The following ATP2C2 variants were observed in gnomAD, a reference collection of about 807,000 sequenced individuals.
ATP2C2 encodes ATPase secretory pathway Ca2+ transporting 2.
ATP2C2 carries 171 observed loss-of-function variants against 110.8 expected under a neutral mutation model. The observed-to-expected ratio is 1.54, with a 90% CI of 1.36 to 1.75. The LOEUF (loss-of-function observed/expected upper bound fraction) is 1.75. Ranked by LOEUF, ATP2C2 falls within the 40% of genes most tolerant of loss-of-function variation. ATP2C2 has a pLI of 0.00. For missense variants in ATP2C2, 1,963 were observed against 1,235.0 expected, an observed-to-expected ratio of 1.59 and a Z score of -8.84; for synonymous variants, 804 against 508.4, an observed-to-expected ratio of 1.58 and a Z score of -7.82.
In ATP2C2 at chr16:84,408,273, G is replaced by A. The variant is rs1326999036; in HGVS notation, c.328-132G>A. On this transcript the variant is annotated intron_variant, in intron 3 of 26. Transcript: ENST00000262429. ...CATGGGGGTGGTCTCCCCAGCCCTC[G>A]GTCACCATGGTGTTGACCTGGAAGC... 2.8e-5 allele frequency: 23 copies of A among 812,992 alleles called. No individual in the cohort carries two copies. The South Asian group carries it at 2.8e-4, about 10-fold the overall frequency. The allele number at this position is 812,992 out of a possible 1,614,324, so 50.4% of individuals were successfully genotyped here.
chr16:84,406,507 C>T (rs988314800), intron 3 of ATP2C2: 19 of 832,920 alleles, frequency 2.3e-5, no homozygotes, highest in East Asian at 2.5e-4. Context: ...CTCCATTGGT[C>T]GATTCCGGAA....
At chr16:84,398,445 A>T in intron 1 of ATP2C2, 54 bp from the exon 2 acceptor site, 2 of 1,057,524 alleles carry the variant, frequency 1.9e-6, no homozygotes, top group South Asian at 4.4e-5. Context: ...AAATTTAAAA[A>T]TTAATCAGTA....
At chr16:84,399,379 G>C (rs193099176) in intron 2 of ATP2C2, among the ~76,000 whole-genome samples, 205 of 152,288 alleles carry the variant, frequency 1.3e-3, no homozygotes, top group African/African-American at 4.7e-3. Context: ...AAATGAGCTA[G>C]ATTTTCTTTC....
intron 15 of ATP2C2, among the ~76,000 whole-genome samples, chr16:84,443,738 T>G (rs1909480775): frequency 6.6e-6 from 1 of 152,200 alleles, no homozygotes; most frequent in African/African-American, 2.4e-5. Context: ...TCAGCTTACC[T>G]GTCCCTCCCT....
At position 84,459,319 on chromosome 16, in the gene ATP2C2, C is replaced by G. The variant is rs377164121; in HGVS notation, c.2266C>G (p.Pro756Ala). 3.1e-6 allele frequency: 5 copies of G among 1,614,194 alleles called. No individual in the cohort carries two copies. In the African/African-American group the frequency reaches 6.7e-5, roughly 22 times the overall value. The change falls in exon 23 of 27, where the codon CCC becomes GCC. Residue 756 changes from proline to alanine, a missense_variant. Transcript: ENST00000262429. ...LITLSTVFNLPSPLNAMQILW... is the reference protein window; with the variant it reads ...LITLSTVFNLASPLNAMQILW... ...CACTCTGTCCACCGTGTTCAACCTG[C>G]CCAGCCCCCTCAACGCCATGCAGAT...
At chr16:84,449,329 C>T (rs770337892) in intron 17 of ATP2C2, among the ~76,000 whole-genome samples, 47 of 152,234 alleles carry the variant, frequency 3.1e-4, no homozygotes, top group Non-Finnish European at 5.6e-4. Context: ...GAGACCCTTG[C>T]GGCTTTCTGG....
intron 15 of ATP2C2, among the ~76,000 whole-genome samples, chr16:84,445,495 A>C (rs1446880042): frequency 6.6e-6 from 1 of 152,166 alleles, no homozygotes; most frequent in Non-Finnish European, 1.5e-5. Context: ...GGCATGAGCC[A>C]CCATGCCCGG....
chr16:84,405,337 C>G (rs1905669012), intron 3 of ATP2C2, 93 bp downstream of exon 3: 2 of 1,093,540 alleles, frequency 1.8e-6, no homozygotes, highest in Non-Finnish European at 2.7e-6. Context: ...GGAAGGCATC[C>G]TTGGACAGCT....
chr16:84,406,832 C>T (rs114205394), intron 3 of ATP2C2, among the ~76,000 whole-genome samples: 226 of 152,194 alleles, frequency 1.5e-3, no homozygotes, highest in African/African-American at 5.0e-3. Context: ...CACTAGGACC[C>T]GCTCCCCCAC....
At position 84,412,847 on chromosome 16, in the gene ATP2C2, G is replaced by A. The variant is rs1480890456; in HGVS notation, c.515+2082G>A. Among the ~76,000 whole-genome samples, 17 of 152,050 alleles carry A rather than the reference G, an allele frequency of 1.1e-4. No individual in the cohort carries two copies. In the South Asian group the frequency reaches 2.1e-3, roughly 19 times the overall value. On this transcript the variant is annotated intron_variant, in intron 6 of 26. Coordinates refer to ENST00000262429, the MANE Select transcript of ATP2C2 (RefSeq NM_014861.4). ...GCGGTGGCTCACACCTGTAATCCCA[G>A]CACTTTGGGAGGCCGAGGTAGGCAG...
intron 21 of ATP2C2, among the ~76,000 whole-genome samples, chr16:84,455,653 A>C (rs1015006470): frequency 5.9e-5 from 9 of 152,118 alleles, no homozygotes; most frequent in African/African-American, 2.2e-4. Context: ...AGCCTGATAC[A>C]AAAAATCCAA....
At position 84,461,455 on chromosome 16, in the gene ATP2C2, C is replaced by G. The variant is rs1340263992; in HGVS notation, c.2482-259C>G. ...TCACCTCCCAGGGAGACAGTTACTT[C>G]CTGGAGGAAGTGGTGTTTCCTCCAC... is the stretch of plus-strand genomic sequence containing the variant. On this transcript the variant is annotated intron_variant, in intron 24 of 26. Transcript: ENST00000262429. The G allele has an allele frequency of 1.4e-5, 8 of 579,334 alleles. No individual in the cohort carries two copies. The East Asian group carries it at 2.0e-4, about 15-fold the overall frequency. The allele number at this position is 579,334 out of a possible 1,614,324, so 35.9% of individuals were successfully genotyped here. A position where few individuals can be genotyped will look rare whatever the true frequency, so the allele number is the denominator to read the frequency against.
intron 11 of ATP2C2, among the ~76,000 whole-genome samples, chr16:84,433,582 G>A (rs1366044184): frequency 2.6e-5 from 4 of 151,932 alleles, no homozygotes; most frequent in Admixed American, 2.0e-4. Flanking sequence ...AACCCGGGAG[G>A]TGGAGGTTGT....
chr16:84,378,792 T>C (rs1910401370), intron 1 of ATP2C2, among the ~76,000 whole-genome samples: 1 of 152,070 alleles, frequency 6.6e-6, no homozygotes, highest in African/African-American at 2.4e-5. Flanking sequence ...GCAGCAGAGA[T>C]TGAGCAAAGT....
chr16:84,437,136 TG>T (rs1908815109), intron 11 of ATP2C2, among the ~76,000 whole-genome samples: 1 of 152,214 alleles, frequency 6.6e-6, no homozygotes. Context: ...TACAATTTAA[TG>T]GTTTTTAGTG....
At chr16:84,384,277 T>C (rs1021716111) in intron 1 of ATP2C2, among the ~76,000 whole-genome samples, 1 of 152,230 alleles carries the variant, frequency 6.6e-6, no homozygotes, top group Non-Finnish European at 1.5e-5. Flanking sequence ...CCTGTGGATT[T>C]TCCTTGTCTT....
chr16:84,414,192 C>G (rs1347669486), intron 6 of ATP2C2, among the ~76,000 whole-genome samples: 2 of 152,188 alleles, frequency 1.3e-5, no homozygotes, highest in Non-Finnish European at 2.9e-5. Flanking sequence ...AGGTATATCT[C>G]TGGCAGGTGC....
Position 84,460,355 on chromosome 16 carries a change from G to A in ATP2C2, c.2334-299G>A, listed in dbSNP as rs764955105. 1.3e-4 allele frequency: 57 copies of A among 436,888 alleles called. No individual in the cohort carries two copies. In the South Asian group the frequency reaches 1.4e-3, roughly 10 times the overall value. The allele number at this position is 436,888 out of a possible 1,614,324, so 27.1% of individuals were successfully genotyped here. ...TTCTCCAGGCGCAACGTTGGGGGGG[G>A]TCCCCTCGGGGTGATGGAGATCATC... is the stretch of plus-strand genomic sequence containing the variant. On this transcript the variant is annotated intron_variant, in intron 23 of 26. Coordinates refer to ENST00000262429, the MANE Select transcript of ATP2C2 (RefSeq NM_014861.4).
At chr16:84,463,278 G>GCTC (rs1567471167) in intron 26 of ATP2C2, among the ~76,000 whole-genome samples, 2 of 152,072 alleles carry the variant, frequency 1.3e-5, no homozygotes, top group East Asian at 3.9e-4. Context: ...GGTCACTCAG[G>GCTC]ACATTTGCAA....
Sources: allele counts gnomAD v4.1 joint callset (sites outside exome capture counted in the v4.1 genomes callset), GRCh38; gene constraint gnomAD v4.1.1; transcripts MANE v1.5; gene names NCBI Gene and HGNC (gene_info 2026-07-23, HGNC 2026-07-21).